DNAH1: variants seen among roughly 807,000 people sequenced by gnomAD.
The protein encoded by DNAH1 is axonemal beta dynein heavy chain 1.
DNAH1 carries 327 observed loss-of-function variants against 484.3 expected under a neutral mutation model. That is an observed-to-expected ratio of 0.68 (90% confidence interval 0.62 to 0.74). The LOEUF is 0.74. Ranked by LOEUF, DNAH1 falls within the 30% of genes least tolerant of loss-of-function variation. DNAH1 has a pLI of 0.00. For missense variants in DNAH1, 5,052 were observed against 5,546.8 expected (o/e 0.91, Z 2.83); for synonymous variants, 2,192 against 2,191.9 (o/e 1.00, Z 0.00).
chr3:52,373,148 C>A, intron 44 of DNAH1, 95 bp downstream of exon 44: 2 of 1,377,304 alleles, frequency 1.5e-6, no homozygotes, highest in Non-Finnish European at 1.9e-6. Flanking sequence ...TACTTTAAGG[C>A]ACCCACAAAA....
In DNAH1 at chr3:52,388,505, G is replaced by T. The variant is rs575172462; in HGVS notation, c.9259G>T (p.Gly3087Cys). 6.2e-7 allele frequency: 1 copy of T among 1,612,668 alleles called. No homozygotes were observed. The highest frequency in any genetic ancestry group is 8.5e-7 in the Non-Finnish European group (1 of 1,179,404). ...AKQRLREVEDGIATMQAKYRE... is the reference protein window; with the variant it reads ...AKQRLREVEDCIATMQAKYRE... Reference sequence around the variant, plus strand: ...ACAGCGCCTTCGTGAGGTGGAGGACGGCATCGCCACAATGCAGGCTAAGTA... The same window carrying T: ...ACAGCGCCTTCGTGAGGTGGAGGACTGCATCGCCACAATGCAGGCTAAGTA... The change falls in exon 58 of 78, where the codon GGC becomes TGC. Residue 3087 changes from glycine (G) to cysteine (C), a missense_variant. By Grantham distance (159) the Gly-to-Cys change is radical. This residue lies in a region of DNAH1 where 2,929 missense variants were observed against 3,409.4 expected (regional missense o/e 0.86). Transcript: ENST00000420323.
chr3:52,370,465 C>T lies in DNAH1; in HGVS notation c.6259-12C>T. The T allele has an allele frequency of 6.2e-7, 1 of 1,613,982 alleles. No homozygotes were observed. The highest frequency in any genetic ancestry group is 8.5e-7 in the Non-Finnish European group (1 of 1,179,900). On this transcript the variant is annotated splice_polypyrimidine_tract_variant and intron_variant, in intron 39 of 77. Transcript: ENST00000420323. ...TCCTGTCTCAGCCTGATACTGTTCC[C>T]TTCATCCCCAGGGCCTCAAGAAAAT... is the stretch of plus-strand genomic sequence containing the variant.
intron 45 of DNAH1, 40 bp from the exon 46 acceptor site, chr3:52,375,915 A>G (rs371247102): frequency 4.8e-5 from 77 of 1,610,032 alleles, no homozygotes; most frequent in African/African-American, 2.1e-4. Flanking sequence ...CAAGAGGTCC[A>G]CCTAACCCTG....
chr3:52,313,083 C>T (rs1033365637), upstream of DNAH1, among the ~76,000 whole-genome samples: 2 of 152,176 alleles, frequency 1.3e-5, no homozygotes, highest in African/African-American at 4.8e-5. Flanking sequence ...CACCACGCCT[C>T]GCCAGTGCCA....
intron 9 of DNAH1, 105 bp from the exon 10 acceptor site, chr3:52,345,390 G>C: frequency 1.1e-6 from 1 of 935,416 alleles, no homozygotes; most frequent in Non-Finnish European, 1.6e-6. Context: ...TCTTCAGGGA[G>C]AAGGCAGGAG....
chr3:52,381,896 T>C lies in DNAH1; in HGVS notation c.7805+60T>C. The C allele has an allele frequency of 6.6e-7, 1 of 1,503,946 alleles. No homozygotes were observed. Among genetic ancestry groups the C allele is most frequent in the Non-Finnish European group, 8.9e-7 (1 of 1,119,556 alleles). The allele number at this position is 1,503,946 out of a possible 1,614,324, so 93.2% of individuals were successfully genotyped here. A position where few individuals can be genotyped will look rare whatever the true frequency, so the allele number is the denominator to read the frequency against. ...GCCAGGGCTGGCTGGTCGGTTTGAC[T>C]GACCCATGCTTTTGCACAGTGGTAG... On this transcript the variant is annotated intron_variant, in intron 49 of 77. Coordinates refer to ENST00000420323, the MANE Select transcript of DNAH1 (RefSeq NM_015512.5). This position sits in a 1 kb window ranked among gnomAD's most constrained non-coding sequence, Gnocchi z 4.1.
rs1365129331 is a variant in DNAH1 at position 52,362,938 on chromosome 3, G to A, written c.5095-57G>A. 6 of 1,607,642 alleles carry A rather than the reference G, an allele frequency of 3.7e-6. No homozygotes were observed. In the Admixed American group the frequency reaches 6.7e-5, roughly 18 times the overall value. ...TTAGGGAGGAGGGCCGGATGAAGCTGGGGGTGCTCTGGGGGTGAGCTCTGT... is the reference window on the plus strand; with the variant it reads ...TTAGGGAGGAGGGCCGGATGAAGCTAGGGGTGCTCTGGGGGTGAGCTCTGT... On this transcript the variant is annotated intron_variant, in intron 31 of 77. Coordinates refer to ENST00000420323, the MANE Select transcript of DNAH1 (RefSeq NM_015512.5). The surrounding 1 kb of genome is among the most constrained non-coding windows in gnomAD (Gnocchi z 5.1).
At chr3:52,346,410 A>G in intron 10 of DNAH1, 62 bp from the exon 11 acceptor site, 1 of 1,494,148 alleles carries the variant, frequency 6.7e-7, no homozygotes, top group Non-Finnish European at 9.0e-7. Flanking sequence ...AGAGTCCCTG[A>G]GTGCAGCTAT....
At chr3:52,359,213 G>C (rs1702747318) in intron 25 of DNAH1, 33 bp from the exon 26 acceptor site, 1 of 1,553,860 alleles carries the variant, frequency 6.4e-7, no homozygotes, top group Non-Finnish European at 8.7e-7. Context: ...GGCTGCGGCT[G>C]TCCAGGTCAG....
intron 21 of DNAH1, among the ~76,000 whole-genome samples, chr3:52,356,053 G>A (rs1702596640): frequency 6.6e-6 from 1 of 152,238 alleles, no homozygotes; most frequent in Admixed American, 6.5e-5. Context: ...CCATGAGGAA[G>A]AAATGGATGA....
intron 8 of DNAH1, among the ~76,000 whole-genome samples, chr3:52,340,917 T>C (rs1253494566): frequency 2.6e-5 from 4 of 152,028 alleles, no homozygotes; most frequent in African/African-American, 9.7e-5. Context: ...CTGATTCTAG[T>C]TGTGCTAAAG....
upstream of DNAH1, among the ~76,000 whole-genome samples, chr3:52,311,807 A>G (rs147879757): frequency 7.9e-5 from 12 of 152,268 alleles, no homozygotes; most frequent in African/African-American, 2.9e-4. Flanking sequence ...AGGCATCAGG[A>G]CGAGACCTGT....
chr3:52,391,971 T>A (rs1354206931), intron 63 of DNAH1, among the ~76,000 whole-genome samples: 1 of 152,144 alleles, frequency 6.6e-6, no homozygotes, highest in African/African-American at 2.4e-5. Flanking sequence ...ACACTCTGGC[T>A]CTTTGAATCC....
rs78947691 is a variant in DNAH1 at position 52,351,102 on chromosome 3, G to C, written c.2729+512G>C. Among the ~76,000 whole-genome samples, 2,206 of 152,240 alleles carry C rather than the reference G, an allele frequency of 0.014. 189 individuals are homozygous for C. The East Asian group carries it at 0.25, about 17-fold the overall frequency. On this transcript the variant is annotated intron_variant, in intron 16 of 77. Transcript: ENST00000420323. ...TGACCTCAGGTGATCCACCCGCCGC[G>C]CCCTCCCAAACTGCTAGGATTATAG...
intron 6 of DNAH1, 34 bp from the exon 7 acceptor site, chr3:52,331,114 G>T: frequency 6.4e-7 from 1 of 1,559,950 alleles, no homozygotes; most frequent in East Asian, 2.4e-5. Context: ...CCCCATGGCG[G>T]GGGGCACTGG....
chr3:52,328,090 T>G (rs753512603), intron 6 of DNAH1, 76 bp downstream of exon 6: 2 of 1,568,202 alleles, frequency 1.3e-6, no homozygotes, highest in African/African-American at 2.7e-5. Context: ...TGGGCTCCCC[T>G]GGGACCTGGC....
intron 75 of DNAH1, among the ~76,000 whole-genome samples, chr3:52,398,501 G>T (rs529383504): frequency 1.3e-5 from 2 of 152,166 alleles, no homozygotes; most frequent in Non-Finnish European, 2.9e-5. Context: ...TGTTGGCCAG[G>T]ATGGTCTCGA....
Position 52,391,293 on chromosome 3 carries a change from C to G in DNAH1, c.9856C>G (p.Leu3286Val). 6.2e-7 allele frequency: 1 copy of G among 1,612,472 alleles called. No homozygotes were observed. Among genetic ancestry groups the G allele is most frequent in the Admixed American group, 1.7e-5 (1 of 59,818 alleles). The change falls in exon 62 of 78, where the codon CTA becomes GTA. Residue 3286 changes from leucine to valine, a missense_variant. Coordinates refer to ENST00000420323, the MANE Select transcript of DNAH1 (RefSeq NM_015512.5). ...TCTCCTGGAGAACGTGGGCGAGGAG[C>G]TAGACCCAGCCCTGGAGCCAGTGCT... is the stretch of plus-strand genomic sequence containing the variant. ...PCLLENVGEE[L>V]DPALEPVLLK...
intron 1 of DNAH1, among the ~76,000 whole-genome samples, chr3:52,317,448 C>T (rs553284909): frequency 1.4e-4 from 21 of 152,324 alleles, no homozygotes; most frequent in Admixed American, 7.2e-4. Flanking sequence ...CCACCTTTTC[C>T]TCAGTGCCCT....
Sources: allele counts gnomAD v4.1 joint callset (sites outside exome capture counted in the v4.1 genomes callset), GRCh38; gene constraint gnomAD v4.1.1; regional missense constraint gnomAD v4.1.1; non-coding constraint Gnocchi (gnomAD v3.1); transcripts MANE v1.5; gene names NCBI Gene and HGNC (gene_info 2026-07-23, HGNC 2026-07-21).